Variants in NREP observed in about 807,000 individuals in gnomAD.
NREP encodes the protein neuronal regeneration-related protein.
A neutral mutation model predicts 8.6 loss-of-function variants in NREP; 5 were observed. That is an observed-to-expected ratio of 0.58 (90% CI 0.30 to 1.22). The LOEUF is 1.22. NREP is among the 50% of genes most tolerant of loss of function. The pLI is 0.07. For missense variants in NREP, 86 were observed against 82.5 expected, an observed-to-expected ratio of 1.04 and a Z score of -0.17; for synonymous variants, 27 against 28.0, an observed-to-expected ratio of 0.96 and a Z score of 0.11.
chr5:111,838,809 A>T (rs1157625602), intron 2 of NREP, among the ~76,000 whole-genome samples: 2 of 152,096 alleles, frequency 1.3e-5, no homozygotes, highest in Non-Finnish European at 2.9e-5. Context: ...AATGATACGT[A>T]TATAATCTAT....
At chr5:111,741,542 AT>A (rs1308041429) in intron 2 of NREP, among the ~76,000 whole-genome samples, 1 of 152,182 alleles carries the variant, frequency 6.6e-6, no homozygotes, top group African/African-American at 2.4e-5. Context: ...CAAAGATTAG[AT>A]GGTGCCAAAA....
intron 2 of NREP, among the ~76,000 whole-genome samples, chr5:111,963,011 C>T (rs1756522341): frequency 6.6e-6 from 1 of 152,254 alleles, no homozygotes; most frequent in South Asian, 2.1e-4. Context: ...TGTGTGGATA[C>T]CCAAAAAAGG....
chr5:111,765,330 C>A (rs7731407), intron 2 of NREP, among the ~76,000 whole-genome samples: 49,086 of 151,952 alleles, frequency 0.32, 8,146 homozygotes, highest in Admixed American at 0.4. Context: ...GCTGTATGGC[C>A]TGGTTCCTAA....
At chr5:111,943,341 C>A (rs1229152160) in intron 2 of NREP, among the ~76,000 whole-genome samples, 7 of 152,068 alleles carry the variant, frequency 4.6e-5, no homozygotes, top group African/African-American at 1.4e-4. Context: ...TCCTTGCCTT[C>A]TCTGTCTTGC....
intron 2 of NREP, among the ~76,000 whole-genome samples, chr5:111,897,013 A>G (rs1271605830): frequency 3.3e-5 from 5 of 152,178 alleles, no homozygotes; most frequent in Non-Finnish European, 7.4e-5. Context: ...TGATTATACT[A>G]TTGGTTTTGG....
At chr5:111,958,464 A>G (rs908704156) in intron 2 of NREP, among the ~76,000 whole-genome samples, 1 of 151,946 alleles carries the variant, frequency 6.6e-6, no homozygotes, top group Non-Finnish European at 1.5e-5. Flanking sequence ...TAAAACTAAG[A>G]GGAAAATTCA....
At chr5:111,948,536 T>C (rs1335760419) in intron 2 of NREP, among the ~76,000 whole-genome samples, 2 of 152,120 alleles carry the variant, frequency 1.3e-5, no homozygotes, top group African/African-American at 4.8e-5. Context: ...AAAAATCATG[T>C]GTCTTATGTA....
intron 2 of NREP, among the ~76,000 whole-genome samples, chr5:111,813,675 CCTCT>C (rs1752318270): frequency 1.3e-5 from 2 of 152,118 alleles, no homozygotes; most frequent in East Asian, 3.9e-4. Flanking sequence ...TAGTAATTGA[CCTCT>C]CTGAAAGGAA....
At chr5:111,954,964 T>C (rs1291816397) in intron 2 of NREP, among the ~76,000 whole-genome samples, 2 of 152,186 alleles carry the variant, frequency 1.3e-5, no homozygotes, top group African/African-American at 4.8e-5. Context: ...GATGGGAGTT[T>C]GTTAAATTAA....
chr5:111,909,572 A>G (rs963270550), intron 2 of NREP, among the ~76,000 whole-genome samples: 8 of 152,100 alleles, frequency 5.3e-5, no homozygotes, highest in Non-Finnish European at 5.9e-5. Flanking sequence ...CTTTCTCCAC[A>G]TGAAGCAGTC....
chr5:111,938,135 C>T (rs564139601), intron 2 of NREP, among the ~76,000 whole-genome samples: 1 of 152,140 alleles, frequency 6.6e-6, no homozygotes, highest in South Asian at 2.1e-4. Flanking sequence ...TCTATGAGTT[C>T]TCATAGTAAC....
chr5:111,865,653 G>A (rs1753647722), intron 2 of NREP, among the ~76,000 whole-genome samples: 1 of 152,094 alleles, frequency 6.6e-6, no homozygotes, highest in Non-Finnish European at 1.5e-5. Flanking sequence ...GCCTAATACT[G>A]ATCTTGCAAA....
chr5:111,847,339 T>C (rs562985992), intron 2 of NREP, among the ~76,000 whole-genome samples: 7 of 152,136 alleles, frequency 4.6e-5, no homozygotes, highest in Non-Finnish European at 7.3e-5. Flanking sequence ...TCTCTTTTTC[T>C]TTTTGTAGGG....
intron 2 of NREP, among the ~76,000 whole-genome samples, chr5:111,882,875 C>T (rs1017312569): frequency 1.1e-4 from 16 of 152,228 alleles, no homozygotes; most frequent in Non-Finnish European, 2.4e-4. Context: ...CAAAATCATG[C>T]CAAATGGTAA....
chr5:111,792,482 A>T (rs1169613616), intron 2 of NREP, among the ~76,000 whole-genome samples: 1 of 152,226 alleles, frequency 6.6e-6, no homozygotes, highest in Non-Finnish European at 1.5e-5. Flanking sequence ...TTGGATGCAC[A>T]ATAAAAAATA....
chr5:111,809,028 G>A (rs573775380), intron 2 of NREP, among the ~76,000 whole-genome samples: 3 of 152,154 alleles, frequency 2.0e-5, no homozygotes, highest in African/African-American at 7.2e-5. Flanking sequence ...TTCCAGGTTG[G>A]CCTTTCTTAA....
At chr5:111,837,254 G>T (rs1752917780) in intron 2 of NREP, among the ~76,000 whole-genome samples, 2 of 151,964 alleles carry the variant, frequency 1.3e-5, no homozygotes, top group South Asian at 4.1e-4. Context: ...CAAGATCCAG[G>T]TAGGGAAGAT....
intron 2 of NREP, among the ~76,000 whole-genome samples, chr5:111,764,988 G>GA (rs1002151466): frequency 1.3e-5 from 2 of 152,086 alleles, no homozygotes; most frequent in South Asian, 2.1e-4. Flanking sequence ...ATCAGAGGTA[G>GA]AAAAAAATGA....
chr5:111,962,123 T>C (rs1239053399), intron 2 of NREP, among the ~76,000 whole-genome samples: 1 of 152,160 alleles, frequency 6.6e-6, no homozygotes, highest in Non-Finnish European at 1.5e-5. Context: ...GTGCTGTAAA[T>C]AGTTCAGTTC....
Sources: gnomAD v4.1 joint callset for allele counts (sites outside exome capture counted in the v4.1 genomes callset) on GRCh38, gnomAD v4.1.1 for gene constraint, MANE v1.5 for transcripts, NCBI Gene and HGNC (gene_info 2026-07-23, HGNC 2026-07-21) for gene names.